Variants in PTPRN2 observed in about 807,000 individuals in gnomAD.
PTPRN2 encodes protein tyrosine phosphatase receptor type N2, also known as receptor-type tyrosine-protein phosphatase N2.
Under a neutral mutation model 118.8 loss-of-function variants are expected in PTPRN2, and 74 were observed. That is an observed-to-expected ratio of 0.62 (90% CI 0.52 to 0.76). The LOEUF (loss-of-function observed/expected upper bound fraction) is 0.76, where lower values mean the gene tolerates loss of function less well. PTPRN2 is among the 30% of genes least tolerant of loss of function. PTPRN2 has a pLI of 0.00. For synonymous variants in PTPRN2, 641 were observed against 608.0 expected, an observed-to-expected ratio of 1.05 and a Z score of -0.80; for missense variants, 1,481 against 1,394.4, an observed-to-expected ratio of 1.06 and a Z score of -0.99.
chr7:157,827,870 G>C (rs373598429), intron 12 of PTPRN2, among the ~76,000 whole-genome samples: 1 of 152,168 alleles, frequency 6.6e-6, no homozygotes, highest in East Asian at 1.9e-4. Flanking sequence ...TGCCTTCCTC[G>C]GGCTGCACGT....
intron 13 of PTPRN2, among the ~76,000 whole-genome samples, chr7:157,668,867 T>C (rs1036693424): frequency 6.6e-6 from 1 of 152,220 alleles, no homozygotes; most frequent in African/African-American, 2.4e-5. Flanking sequence ...AACGGGGTCA[T>C]GTGTCATAGT....
intron 11 of PTPRN2, among the ~76,000 whole-genome samples, chr7:157,930,999 C>T (rs1423889849): frequency 1.3e-5 from 2 of 152,180 alleles, no homozygotes; most frequent in South Asian, 4.1e-4. Context: ...ACCTCCAGTG[C>T]ACAGGCCTCC....
chr7:157,846,803 C>T (rs1027334464), intron 12 of PTPRN2, among the ~76,000 whole-genome samples: 53 of 138,172 alleles, frequency 3.8e-4, no homozygotes, highest in African/African-American at 1.1e-3. Context: ...TGCCCGATAT[C>T]TACAGAGCCC....
rs756791076 is a variant in PTPRN2 at position 158,362,212 on chromosome 7, AGAG to A, written c.164-45283_164-45281del. On this transcript the variant is annotated intron_variant, in intron 2 of 22. Coordinates refer to ENST00000389418, the MANE Select transcript of PTPRN2 (RefSeq NM_002847.5). ...CTCCTAACTCAGCTCTGGGCTGTCC[AGAG>A]GAGGAGGCAGAAGAGGCCGCCCCTG... Among the ~76,000 whole-genome samples, 379 of 152,312 alleles carry A rather than the reference AGAG, an allele frequency of 2.5e-3. 3 individuals are homozygous for A. Among genetic ancestry groups the A allele is most frequent in the South Asian group, 4.1e-3 (20 of 4,824 alleles).
At chr7:157,640,163 T>A (rs975242612) in intron 14 of PTPRN2, among the ~76,000 whole-genome samples, 1 of 152,212 alleles carries the variant, frequency 6.6e-6, no homozygotes, top group Non-Finnish European at 1.5e-5. Flanking sequence ...CATCGGATAA[T>A]GCATTGATCA....
chr7:158,454,158 T>G (rs998416102), intron 2 of PTPRN2, among the ~76,000 whole-genome samples: 1 of 151,930 alleles, frequency 6.6e-6, no homozygotes, highest in Non-Finnish European at 1.5e-5. Context: ...TGGGGATGGT[T>G]GCTATGGAGG....
At chr7:158,054,590 T>A (rs1263815449) in intron 11 of PTPRN2, among the ~76,000 whole-genome samples, 2 of 152,178 alleles carry the variant, frequency 1.3e-5, no homozygotes, top group African/African-American at 4.8e-5. Context: ...GTCTCGCAGG[T>A]GCAGCCTCCT....
rs143615133 is a variant in PTPRN2, at chr7:158,182,403, G to C, written c.549+9924C>G. Among the ~76,000 whole-genome samples, 260 of 152,182 alleles carry C rather than the reference G, an allele frequency of 1.7e-3. 2 individuals carry two copies. Among genetic ancestry groups the C allele is most frequent in the African/African-American group, 6.0e-3 (249 of 41,534 alleles). ...ATACACGTGCAGAACATGCAGGTTT[G>C]TTACCTATGTATATGTGTGCCATGG... On this transcript the variant is annotated intron_variant, in intron 5 of 22. Coordinates refer to ENST00000389418, the MANE Select transcript of PTPRN2 (RefSeq NM_002847.5).
rs556685774 is a variant in PTPRN2, at chr7:158,204,048, A to G, written c.380+1123T>C. On this transcript the variant is annotated intron_variant, in intron 4 of 22. Transcript: ENST00000389418. ...TCAGCGTGAGCCGCGTTCTGGGGAA[A>G]GACACGGCCCCTGCCCTCAGCGAGC... Among the ~76,000 whole-genome samples, 423 of 151,290 alleles carry G rather than the reference A, an allele frequency of 2.8e-3. 5 individuals carry two copies. Among genetic ancestry groups the G allele is most frequent in the African/African-American group, 9.9e-3 (406 of 41,190 alleles).
rs59815362 is a variant in PTPRN2, at chr7:157,874,818, GAC to G, written c.1788+23853_1788+23854del. On this transcript the variant is annotated intron_variant, in intron 12 of 22. Coordinates refer to ENST00000389418, the MANE Select transcript of PTPRN2 (RefSeq NM_002847.5). The surrounding 1 kb of genome is among the most constrained non-coding windows in gnomAD (Gnocchi z 5.8). ...ATATACACACAGAGACACACTCATGGACACACACAGAGACACACTCATGCACA... is the reference window on the plus strand; with the variant it reads ...ATATACACACAGAGACACACTCATGGACACACAGAGACACACTCATGCACA... Among the ~76,000 whole-genome samples the G allele has an allele frequency of 9.5e-3, 1,093 of 114,878 alleles. 12 individuals carry two copies. The highest frequency in any genetic ancestry group is 0.032 in the East Asian group (120 of 3,786). 75.4% of individuals were successfully genotyped at this position (114,878 alleles called of 152,430 possible). A position where few individuals can be genotyped will look rare whatever the true frequency, so the allele number is the denominator to read the frequency against.
chr7:157,739,515 G>T (rs572999832), intron 12 of PTPRN2: 1 of 152,220 alleles, frequency 6.6e-6, no homozygotes, highest in South Asian at 2.1e-4. Flanking sequence ...GAAATTGAGG[G>T]TAGTATCTTG....
chr7:158,126,046 C>G (rs1817637724), intron 9 of PTPRN2, among the ~76,000 whole-genome samples: 1 of 150,000 alleles, frequency 6.7e-6, no homozygotes, highest in African/African-American at 2.5e-5. Flanking sequence ...CTCTCCGCCA[C>G]ACCAGCCCCC....
At chr7:158,251,429 G>T (rs909982657) in intron 3 of PTPRN2, among the ~76,000 whole-genome samples, 58 of 152,144 alleles carry the variant, frequency 3.8e-4, no homozygotes, top group Admixed American at 7.9e-4. Context: ...GGTGTGCAAT[G>T]GATGTATATG....
chr7:158,146,639 T>A (rs1171880738), intron 6 of PTPRN2, among the ~76,000 whole-genome samples: 1 of 146,948 alleles, frequency 6.8e-6, no homozygotes, highest in Non-Finnish European at 1.5e-5. Flanking sequence ...AAGAATGGTG[T>A]GAACCCAGGA....
At chr7:158,554,543 G>C (rs1826854806) in intron 1 of PTPRN2, among the ~76,000 whole-genome samples, 1 of 152,146 alleles carries the variant, frequency 6.6e-6, no homozygotes, top group Admixed American at 6.5e-5. Flanking sequence ...TCTGAGGGTA[G>C]AGCCTTGAAT....
chr7:158,452,966 G>A (rs1022309922), intron 2 of PTPRN2, among the ~76,000 whole-genome samples: 4 of 152,250 alleles, frequency 2.6e-5, no homozygotes, highest in Non-Finnish European at 5.9e-5. Context: ...AACACAGGGA[G>A]CACCCCGAGG....
intron 21 of PTPRN2, among the ~76,000 whole-genome samples, chr7:157,551,683 C>A (rs557706474): frequency 7.1e-6 from 1 of 141,188 alleles, no homozygotes; most frequent in Non-Finnish European, 1.5e-5. Flanking sequence ...CACCACACAC[C>A]CCACAGCCAC....
At chr7:158,439,533 T>C (rs1034893809) in intron 2 of PTPRN2, among the ~76,000 whole-genome samples, 1 of 152,012 alleles carries the variant, frequency 6.6e-6, no homozygotes, top group Non-Finnish European at 1.5e-5. Flanking sequence ...AGGAGTAAGA[T>C]GAGGAGGAGG....
At chr7:158,386,880 T>A (rs1563068) in intron 2 of PTPRN2, among the ~76,000 whole-genome samples, 1 of 152,032 alleles carries the variant, frequency 6.6e-6, no homozygotes, top group African/African-American at 2.4e-5. Flanking sequence ...GTGTTAGCAA[T>A]CTGCCACCCT....
Sources: gnomAD v4.1 joint callset for allele counts (sites outside exome capture counted in the v4.1 genomes callset) on GRCh38, gnomAD v4.1.1 for gene constraint, Gnocchi (gnomAD v3.1) non-coding constraint, MANE v1.5 for transcripts, NCBI Gene and HGNC (gene_info 2026-07-23, HGNC 2026-07-21) for gene names.